Variants in AP3S2 observed in about 807,000 individuals in gnomAD.
AP3S2 encodes the protein AP-3 complex subunit sigma-2.
Under a neutral mutation model 23.4 loss-of-function variants are expected in AP3S2, and 22 were observed. That is an observed-to-expected ratio of 0.94 (90% CI 0.67 to 1.34). The LOEUF is 1.34. AP3S2 is among the 40% of genes most tolerant of loss of function. The pLI is 0.00. For synonymous variants in AP3S2, 86 were observed against 87.1 expected, an observed-to-expected ratio of 0.99 and a Z score of 0.07; for missense variants, 241 against 236.9, an observed-to-expected ratio of 1.02 and a Z score of -0.11.
intron 3 of AP3S2, among the ~76,000 whole-genome samples, chr15:89,883,538 G>C (rs748731916): frequency 6.6e-6 from 1 of 151,944 alleles, no homozygotes; most frequent in Non-Finnish European, 1.5e-5. Context: ...TGGGACCACA[G>C]GGGCACACCA....
In AP3S2 at chr15:89,869,433, C is replaced by T. The variant is rs564872016; in HGVS notation, c.345+2042G>A. 1.2e-3 allele frequency among the ~76,000 whole-genome samples: 179 copies of T among 147,868 alleles called. 1 individual carries two copies. The highest frequency in any genetic ancestry group is 4.2e-3 in the African/African-American group (168 of 39,892). The stretch of plus-strand genomic sequence containing the variant: ...CAAGTAATCAGGGACACAAACACTG[C>T]GGAAGGCCGCAGGGTCCTCTGCCTA... On this transcript the variant is annotated intron_variant, in intron 4 of 5. Coordinates refer to ENST00000336418, the MANE Select transcript of AP3S2 (RefSeq NM_005829.5).
chr15:89,881,973 A>G (rs1896579640), intron 3 of AP3S2, among the ~76,000 whole-genome samples: 1 of 152,030 alleles, frequency 6.6e-6, no homozygotes, highest in African/African-American at 2.4e-5. Context: ...GGTGCATACC[A>G]CCACGCCCGG....
rs189715108 is a variant in AP3S2, at chr15:89,840,774, G to A, written c.346-3052C>T. ...GAAATTGATACATTTTATATATGAG[G>A]AAAAGGCAATAAAATGATCCCAATG... On this transcript the variant is annotated intron_variant, in intron 4 of 5. Coordinates refer to ENST00000336418, the MANE Select transcript of AP3S2 (RefSeq NM_005829.5). Among the ~76,000 whole-genome samples, 553 of 152,260 alleles carry A rather than the reference G, an allele frequency of 3.6e-3. 1 individual carries two copies. The highest frequency in any genetic ancestry group is 6.8e-3 in the Middle Eastern group (2 of 294).
At chr15:89,879,675 G>A (rs372667477) in intron 3 of AP3S2, among the ~76,000 whole-genome samples, 1 of 151,688 alleles carries the variant, frequency 6.6e-6, no homozygotes, top group African/African-American at 2.4e-5. Context: ...GCACAATCTC[G>A]GCTCTTTGCA....
intron 4 of AP3S2, among the ~76,000 whole-genome samples, chr15:89,870,281 G>T (rs904261998): frequency 6.6e-6 from 1 of 152,134 alleles, no homozygotes; most frequent in Non-Finnish European, 1.5e-5. Flanking sequence ...CTAAGAGATC[G>T]CTGAAGTTTC....
intron 3 of AP3S2, among the ~76,000 whole-genome samples, chr15:89,885,643 T>C (rs924508353): frequency 6.6e-6 from 1 of 152,234 alleles, no homozygotes; most frequent in Non-Finnish European, 1.5e-5. Flanking sequence ...TTAATTTTTA[T>C]TGTCTTTTCA....
intron 3 of AP3S2, chr15:89,883,941 A>ATTTCAGGTTTTGGAC (rs1222407475): frequency 2.0e-5 from 3 of 152,318 alleles, no homozygotes; most frequent in Non-Finnish European, 4.4e-5. Context: ...CTTATTGGTC[A>ATTTCAGGTTTTGGAC]TTTCAGGTTT....
intron 4 of AP3S2, among the ~76,000 whole-genome samples, chr15:89,855,520 C>G (rs1262485109): frequency 1.7e-5 from 2 of 121,190 alleles, no homozygotes; most frequent in Non-Finnish European, 3.4e-5. Flanking sequence ...CAAGAATTAT[C>G]AATAAAAGAA....
rs1249832132 is a variant in AP3S2 at position 89,868,999 on chromosome 15, G to A, written c.345+2476C>T. 3.2e-4 allele frequency among the ~76,000 whole-genome samples: 48 copies of A among 148,598 alleles called. 1 individual carries two copies. The highest frequency in any genetic ancestry group is 2.4e-3 in the Admixed American group (36 of 15,110). ...CCGCCCCGTCCGGGAGGTGAGGGGCGCCTCTGCCTGGCCGCCCCTACTGGG... is the reference window on the plus strand; with the variant it reads ...CCGCCCCGTCCGGGAGGTGAGGGGCACCTCTGCCTGGCCGCCCCTACTGGG... On this transcript the variant is annotated intron_variant, in intron 4 of 5. Coordinates refer to ENST00000336418, the MANE Select transcript of AP3S2 (RefSeq NM_005829.5).
At chr15:89,844,212 TTTCTTTCTTTC>T (rs1481649282) in intron 4 of AP3S2, among the ~76,000 whole-genome samples, 1 of 9,548 alleles carries the variant, frequency 1.0e-4, no homozygotes, top group Non-Finnish European at 2.7e-4. Context: ...TTTCTTTCTC[TTTCTTTCTTTC>T]TTTCTTTCTT....
chr15:89,860,679 T>TG (rs1266842073), intron 4 of AP3S2, among the ~76,000 whole-genome samples: 2 of 152,150 alleles, frequency 1.3e-5, no homozygotes, highest in Non-Finnish European at 2.9e-5. Flanking sequence ...GCCCTACAAC[T>TG]GGCCTTTCTG....
At chr15:89,887,883 T>G (rs1295992562) in intron 3 of AP3S2, among the ~76,000 whole-genome samples, 1 of 152,116 alleles carries the variant, frequency 6.6e-6, no homozygotes, top group Non-Finnish European at 1.5e-5. Flanking sequence ...ATTGGCCAGG[T>G]TGGTCTCAAA....
At chr15:89,886,786 T>C (rs1224456763) in intron 3 of AP3S2, among the ~76,000 whole-genome samples, 3 of 152,186 alleles carry the variant, frequency 2.0e-5, no homozygotes, top group Non-Finnish European at 4.4e-5. Context: ...TTTCTGATGC[T>C]AGATCTTGAG....
intron 4 of AP3S2, among the ~76,000 whole-genome samples, chr15:89,844,093 AC>A (rs1419023437): frequency 6.6e-6 from 1 of 152,192 alleles, no homozygotes; most frequent in Non-Finnish European, 1.5e-5. Flanking sequence ...GGTTAATCTG[AC>A]TTTTACTGTG....
At chr15:89,885,627 T>C (rs1896679651) in intron 3 of AP3S2, among the ~76,000 whole-genome samples, 1 of 152,232 alleles carries the variant, frequency 6.6e-6, no homozygotes, top group African/African-American at 2.4e-5. Flanking sequence ...TTAGGCCAAC[T>C]ATTTATTAAT....
intron 4 of AP3S2, among the ~76,000 whole-genome samples, chr15:89,856,278 C>A (rs974756032): frequency 6.6e-6 from 1 of 152,290 alleles, no homozygotes; most frequent in East Asian, 1.9e-4. Context: ...AAAAATGGGC[C>A]TTGGCTGGGT....
At chr15:89,841,658 A>G (rs1198868953) in intron 4 of AP3S2, among the ~76,000 whole-genome samples, 3 of 152,176 alleles carry the variant, frequency 2.0e-5, no homozygotes, top group Non-Finnish European at 4.4e-5. Flanking sequence ...CGCCTTGCCT[A>G]TCTCGATTGG....
chr15:89,889,736 T>C (rs1896775869), intron 1 of AP3S2, among the ~76,000 whole-genome samples: 1 of 151,662 alleles, frequency 6.6e-6, no homozygotes, highest in African/African-American at 2.4e-5. Flanking sequence ...TGGTGGCGCA[T>C]GCCTGTAATC....
intron 4 of AP3S2, among the ~76,000 whole-genome samples, chr15:89,857,008 A>G (rs1258462536): frequency 2.6e-5 from 4 of 152,232 alleles, no homozygotes; most frequent in Admixed American, 2.6e-4. Context: ...ACATACTGAC[A>G]CTATTCCAAA....
Sources: gnomAD v4.1 joint callset for allele counts (sites outside exome capture counted in the v4.1 genomes callset) on GRCh38, gnomAD v4.1.1 for gene constraint, MANE v1.5 for transcripts, NCBI Gene and HGNC (gene_info 2026-07-23, HGNC 2026-07-21) for gene names.